MROH1: variants seen among roughly 807,000 people sequenced by gnomAD.
MROH1 encodes the protein maestro heat-like repeat-containing protein family member 1.
In MROH1, 117 loss-of-function variants were observed where a neutral mutation model predicts 116.5. The observed-to-expected ratio is 1.00, with a 90% CI of 0.86 to 1.17. The LOEUF (loss-of-function observed/expected upper bound fraction) is 1.17. MROH1 is among the 50% of genes most tolerant of loss of function. The pLI is 0.00. For synonymous variants in MROH1, 921 were observed against 583.9 expected, an observed-to-expected ratio of 1.58 and a Z score of -8.32; for missense variants, 1,873 against 1,338.5, an observed-to-expected ratio of 1.40 and a Z score of -6.23.
chr8:144,222,505 G>A (rs1418023633), intron 13 of MROH1, among the ~76,000 whole-genome samples: 1 of 152,140 alleles, frequency 6.6e-6, no homozygotes, highest in Non-Finnish European at 1.5e-5. Context: ...CGCAGGTGCA[G>A]GTGCAGGTAC....
At chr8:144,183,098 C>T (rs561923902) in intron 7 of MROH1, among the ~76,000 whole-genome samples, 36 of 151,732 alleles carry the variant, frequency 2.4e-4, no homozygotes, top group African/African-American at 8.5e-4. Flanking sequence ...TCAAAACTAG[C>T]TGGGCATGGT....
chr8:144,260,063 G>A lies in MROH1; in HGVS notation c.4191+6G>A, dbSNP rs1554834916. The A allele has an allele frequency of 6.9e-6, 5 of 727,120 alleles. No individual in the cohort carries two copies. Among genetic ancestry groups the A allele is most frequent in the South Asian group, 5.7e-5 (4 of 69,830 alleles). 45.0% of individuals were successfully genotyped at this position (727,120 alleles called of 1,614,324 possible). A position where few individuals can be genotyped will look rare whatever the true frequency, so the allele number is the denominator to read the frequency against. On this transcript the variant is annotated splice_donor_region_variant and intron_variant, in intron 38 of 43. Coordinates refer to ENST00000326134, the MANE Select transcript of MROH1 (RefSeq NM_032450.3). ...CCTCCGGCTGCCCTGACAAGGTGGGGTGGCCACCAGCCCCTCTGGGTCCCA... is the reference window on the plus strand; with the variant it reads ...CCTCCGGCTGCCCTGACAAGGTGGGATGGCCACCAGCCCCTCTGGGTCCCA...
At chr8:144,167,830 T>C (rs1821326519) in intron 3 of MROH1, among the ~76,000 whole-genome samples, 1 of 152,180 alleles carries the variant, frequency 6.6e-6, no homozygotes, top group Admixed American at 6.5e-5. Context: ...TCAAGGGCTA[T>C]GTGTGGGCAA....
At chr8:144,149,314 G>A (rs1447059887) in intron 1 of MROH1, among the ~76,000 whole-genome samples, 1 of 152,120 alleles carries the variant, frequency 6.6e-6, no homozygotes, top group African/African-American at 2.4e-5. Context: ...TCTCTTTGAT[G>A]TCAGAGTGGA....
intron 29 of MROH1, among the ~76,000 whole-genome samples, chr8:144,246,186 G>A (rs1240819076): frequency 1.3e-5 from 2 of 150,990 alleles, no homozygotes; most frequent in Non-Finnish European, 2.9e-5. Flanking sequence ...TTGGCTCACA[G>A]CAACCTCCGC....
chr8:144,191,784 C>G lies in MROH1; in HGVS notation c.784C>G (p.Gln262Glu). The G allele has an allele frequency of 6.2e-7, 1 of 1,613,324 alleles. No homozygotes were observed. Among genetic ancestry groups the G allele is most frequent in the South Asian group, 1.1e-5 (1 of 91,008 alleles). ...HLLPSERLEEQLPKLLPGILA... is the reference protein window; with the variant it reads ...HLLPSERLEEELPKLLPGILA... ...GCTGCCCAGTGAGAGGCTGGAAGAG[C>G]AGCTGCCCAAGCTCCTCCCTGGGAT... The change falls in exon 9 of 44, where the codon CAG becomes GAG. Residue 262 changes from glutamine to glutamate, a missense_variant. By Grantham distance (29) the Gln-to-Glu change is conservative. Coordinates refer to ENST00000326134, the MANE Select transcript of MROH1 (RefSeq NM_032450.3).
chr8:144,166,790 G>A (rs954272455), intron 3 of MROH1, among the ~76,000 whole-genome samples: 5 of 152,202 alleles, frequency 3.3e-5, no homozygotes, highest in Admixed American at 3.3e-4. Context: ...TGCCCTCAGA[G>A]GGCAGGCTCC....
chr8:144,255,802 C>T (rs945904624), intron 35 of MROH1, 97 bp downstream of exon 35: 61 of 665,092 alleles, frequency 9.2e-5, no homozygotes, highest in South Asian at 2.2e-4. Flanking sequence ...ATCTGAACCA[C>T]GGGGAGTGTG....
intron 14 of MROH1, among the ~76,000 whole-genome samples, chr8:144,225,897 T>C (rs1837698036): frequency 7.0e-6 from 1 of 142,584 alleles, no homozygotes; most frequent in East Asian, 2.1e-4. Context: ...TATAGGCCTA[T>C]GATTCATTTT....
At chr8:144,239,846 A>AGT in intron 18 of MROH1, 91 bp downstream of exon 18, 1 of 697,214 alleles carries the variant, frequency 1.4e-6, no homozygotes, top group South Asian at 1.5e-5. Context: ...ACCTTTGCCA[A>AGT]GTGGCACTAG....
At chr8:144,224,902 A>C (rs1837507090) in intron 14 of MROH1, among the ~76,000 whole-genome samples, 1 of 152,164 alleles carries the variant, frequency 6.6e-6, no homozygotes, top group Non-Finnish European at 1.5e-5. Context: ...CAAATCAGGG[A>C]GCCTCGCCTG....
chr8:144,160,015 C>T (rs1419503463), intron 1 of MROH1, among the ~76,000 whole-genome samples: 8 of 152,048 alleles, frequency 5.3e-5, no homozygotes, highest in Non-Finnish European at 7.4e-5. Flanking sequence ...ATGATCCACC[C>T]GCCTCGGCCT....
intron 1 of MROH1, among the ~76,000 whole-genome samples, chr8:144,152,591 G>C (rs1199449374): frequency 3.3e-5 from 5 of 151,508 alleles, no homozygotes; most frequent in African/African-American, 4.9e-5. Flanking sequence ...CTGTCGCCCA[G>C]GCTGGAGTGC....
intron 12 of MROH1, among the ~76,000 whole-genome samples, chr8:144,209,073 G>GTGTA (rs1307650402): frequency 4.9e-5 from 6 of 123,636 alleles, no homozygotes; most frequent in African/African-American, 1.8e-4. Context: ...GTGTGTGTGT[G>GTGTA]TTTAGTGGAG....
intron 7 of MROH1, 30 bp from the exon 8 acceptor site, chr8:144,190,754 G>A: frequency 6.2e-7 from 1 of 1,605,656 alleles, no homozygotes; most frequent in Non-Finnish European, 8.5e-7. Context: ...CCCATGGCCT[G>A]CAGCCACTTA....
At chr8:144,150,817 A>G (rs1465457025) in intron 1 of MROH1, among the ~76,000 whole-genome samples, 3 of 152,164 alleles carry the variant, frequency 2.0e-5, no homozygotes, top group African/African-American at 4.8e-5. Flanking sequence ...AGTGCTGGGT[A>G]GAGTAGAGCA....
rs768003653 is a variant in MROH1, at chr8:144,223,195, A to G, written c.1303A>G (p.Ile435Val). The change falls in exon 14 of 44, where the codon ATC becomes GTC. Residue 435 changes from isoleucine to valine, a missense_variant. Physicochemically the swap from Ile to Val is conservative, Grantham distance 29 (BLOSUM62 3). Transcript: ENST00000326134. ...QPGGEAMIEY[I>V]VQQCALPPEQ... Reference sequence around the variant, plus strand: ...TGGAGGTGAGGCGATGATCGAGTACATCGTGCAGCAGTGCGCGCTGCCCCC... The same window carrying G: ...TGGAGGTGAGGCGATGATCGAGTACGTCGTGCAGCAGTGCGCGCTGCCCCC... 1.9e-5 allele frequency: 30 copies of G among 1,611,036 alleles called. No homozygotes were observed. Among genetic ancestry groups the G allele is most frequent in the Non-Finnish European group, 2.3e-5 (27 of 1,178,926 alleles).
chr8:144,235,574 T>G (rs1336895237), intron 14 of MROH1, among the ~76,000 whole-genome samples: 2 of 152,244 alleles, frequency 1.3e-5, no homozygotes, highest in African/African-American at 4.8e-5. Flanking sequence ...TTTGATGTGC[T>G]GTTTACTGTG....
At chr8:144,239,973 G>A in intron 18 of MROH1, 128 bp from the exon 19 acceptor site, 1 of 709,108 alleles carries the variant, frequency 1.4e-6, no homozygotes, top group Non-Finnish European at 2.6e-6. Context: ...CTTCCTGGGA[G>A]CAGGTGGGGG....
Sources: allele counts gnomAD v4.1 joint callset (sites outside exome capture counted in the v4.1 genomes callset), GRCh38; gene constraint gnomAD v4.1.1; transcripts MANE v1.5; gene names NCBI Gene and HGNC (gene_info 2026-07-23, HGNC 2026-07-21).